The following CDH12 variants were observed in gnomAD, a reference collection of about 807,000 sequenced individuals.
CDH12 encodes cadherin-12.
Under a neutral mutation model 74.1 loss-of-function variants are expected in CDH12, and 41 were observed. The ratio of observed to expected loss-of-function variants is 0.55; its 90% CI spans 0.43 to 0.72. The LOEUF is 0.72. Among genes scored for constraint, CDH12 ranks in the 30% least tolerant of loss-of-function variants. The pLI is 0.00. For missense variants in CDH12, 945 were observed against 977.2 expected, an observed-to-expected ratio of 0.97 and a Z score of 0.44; for synonymous variants, 399 against 355.0, an observed-to-expected ratio of 1.12 and a Z score of -1.39.
At chr5:22,668,009 A>T (rs1740707320) in intron 1 of CDH12, among the ~76,000 whole-genome samples, 1 of 152,198 alleles carries the variant, frequency 6.6e-6, no homozygotes, top group African/African-American at 2.4e-5. Flanking sequence ...AATTCCTCAA[A>T]TCATCCATGA....
rs868171635 is a variant in CDH12, at chr5:22,734,477, C to A, written c.-523+118581G>T. ...TATAAACCCATTCCTATGTTTATAG[C>A]ATTTTTCACATTATCTAATTAAGTG... is the stretch of plus-strand genomic sequence containing the variant. On this transcript the variant is annotated intron_variant, in intron 1 of 14. Transcript: ENST00000382254. Among the ~76,000 whole-genome samples, 47 of 152,016 alleles carry A rather than the reference C, an allele frequency of 3.1e-4. 1 individual carries two copies. In the South Asian group the frequency reaches 9.7e-3, roughly 32 times the overall value.
chr5:22,022,993 T>A (rs2150163405), intron 5 of CDH12, among the ~76,000 whole-genome samples: 1 of 152,242 alleles, frequency 6.6e-6, no homozygotes, highest in South Asian at 2.1e-4. Context: ...ACAAAGTAAT[T>A]TTAGGAGCTT....
chr5:22,358,347 G>A (rs1178590955), intron 3 of CDH12, among the ~76,000 whole-genome samples: 2 of 151,984 alleles, frequency 1.3e-5, no homozygotes, highest in South Asian at 2.1e-4. Context: ...GGCGGAGGTT[G>A]CAGTGAGTGA....
At chr5:22,837,015 T>C (rs1396028011) in intron 1 of CDH12, among the ~76,000 whole-genome samples, 1 of 152,218 alleles carries the variant, frequency 6.6e-6, no homozygotes, top group East Asian at 1.9e-4. Context: ...ATACACATAA[T>C]GCTTAGAGCA....
At chr5:22,066,467 C>T (rs1301608922) in intron 5 of CDH12, among the ~76,000 whole-genome samples, 1 of 152,124 alleles carries the variant, frequency 6.6e-6, no homozygotes, top group Non-Finnish European at 1.5e-5. Flanking sequence ...ACTGGGCCTG[C>T]CAGTTAGCAT....
chr5:22,420,443 TG>T (rs1345614645), intron 2 of CDH12, among the ~76,000 whole-genome samples: 1 of 152,172 alleles, frequency 6.6e-6, no homozygotes, highest in Non-Finnish European at 1.5e-5. Flanking sequence ...CTTTCCCCAT[TG>T]TTTGTTTTTG....
intron 4 of CDH12, among the ~76,000 whole-genome samples, chr5:22,200,848 G>A (rs890457671): frequency 1.3e-5 from 2 of 152,210 alleles, no homozygotes; most frequent in Non-Finnish European, 2.9e-5. Context: ...GAATATAGTA[G>A]TGAATGACAC....
intron 4 of CDH12, among the ~76,000 whole-genome samples, chr5:22,107,201 C>T (rs568790254): frequency 2.0e-4 from 30 of 151,302 alleles, no homozygotes; most frequent in East Asian, 1.2e-3. Flanking sequence ...GTCACGATCT[C>T]GGCTCACTGC....
chr5:22,464,489 G>A (rs754599659), intron 2 of CDH12, among the ~76,000 whole-genome samples: 11 of 152,098 alleles, frequency 7.2e-5, no homozygotes, highest in South Asian at 2.1e-4. Context: ...AATGAAATTC[G>A]TTTTGACAAG....
intron 2 of CDH12, among the ~76,000 whole-genome samples, chr5:22,432,103 A>T (rs1744197962): frequency 6.6e-6 from 1 of 152,122 alleles, no homozygotes; most frequent in Admixed American, 6.6e-5. Flanking sequence ...TTGCATTTAC[A>T]ATAAGTGCGG....
chr5:22,219,240 C>T (rs1469703699), intron 3 of CDH12, among the ~76,000 whole-genome samples: 2 of 151,726 alleles, frequency 1.3e-5, no homozygotes, highest in African/African-American at 2.4e-5. Flanking sequence ...ATGCATTTGA[C>T]AGGCATGAAG....
At chr5:22,701,131 C>A (rs1175780781) in intron 1 of CDH12, among the ~76,000 whole-genome samples, 1 of 152,046 alleles carries the variant, frequency 6.6e-6, no homozygotes, top group Non-Finnish European at 1.5e-5. Context: ...AAATTTATTT[C>A]TCTAACAAGG....
intron 6 of CDH12, chr5:21,884,045 T>G: frequency 1.4e-6 from 2 of 1,443,460 alleles, no homozygotes; most frequent in South Asian, 2.3e-5. Flanking sequence ...ATGCAGGTGT[T>G]GAAGGATCTT....
chr5:22,443,952 G>C (rs996537487), intron 2 of CDH12, among the ~76,000 whole-genome samples: 1 of 151,918 alleles, frequency 6.6e-6, no homozygotes, highest in Non-Finnish European at 1.5e-5. Context: ...TCAGGATTTT[G>C]ACGCGTACAA....
rs867863325 is a variant in CDH12 at position 22,156,706 on chromosome 5, A to T, written c.-187+55792T>A. Among the ~76,000 whole-genome samples, 50 of 152,088 alleles carry T rather than the reference A, an allele frequency of 3.3e-4. 1 individual carries two copies. The highest frequency in any genetic ancestry group is 3.1e-3 in the Admixed American group (47 of 15,250). ...AAGAACACTCCAATGAGCACCAGAG[A>T]ACTGAGACATTTTAAAATAAAATTA... On this transcript the variant is annotated intron_variant, in intron 4 of 14. Transcript: ENST00000382254.
chr5:22,605,468 C>T (rs1305665611), intron 1 of CDH12, among the ~76,000 whole-genome samples: 1 of 152,156 alleles, frequency 6.6e-6, no homozygotes, highest in Non-Finnish European at 1.5e-5. Context: ...ACTCCCTGCC[C>T]CTTCTCCCCT....
At chr5:21,775,959 T>C (rs1190220976) in intron 11 of CDH12, among the ~76,000 whole-genome samples, 1 of 152,136 alleles carries the variant, frequency 6.6e-6, no homozygotes. Context: ...CCTCCTGATA[T>C]TCACACCCTC....
intron 1 of CDH12, among the ~76,000 whole-genome samples, chr5:22,685,198 T>C (rs1741699509): frequency 6.6e-6 from 1 of 152,176 alleles, no homozygotes; most frequent in Non-Finnish European, 1.5e-5. Context: ...ACCATTCCTA[T>C]AATCCAATTT....
At chr5:22,058,482 T>C (rs893033786) in intron 5 of CDH12, among the ~76,000 whole-genome samples, 4 of 152,100 alleles carry the variant, frequency 2.6e-5, no homozygotes, top group African/African-American at 4.8e-5. Flanking sequence ...CATTTAAAAA[T>C]ATATTGAAAA....
Sources: allele counts gnomAD v4.1 joint callset (sites outside exome capture counted in the v4.1 genomes callset), GRCh38; gene constraint gnomAD v4.1.1; transcripts MANE v1.5; gene names NCBI Gene and HGNC (gene_info 2026-07-23, HGNC 2026-07-21).